The following CDH18 variants were observed in gnomAD, a reference collection of about 807,000 sequenced individuals.
CDH18 encodes cadherin-18.
In CDH18, 31 loss-of-function variants were observed where a neutral mutation model predicts 67.9. That is an observed-to-expected ratio of 0.46 (90% CI 0.34 to 0.62). CDH18 has a LOEUF of 0.62. Ranked by LOEUF, CDH18 falls within the 20% of genes least tolerant of loss-of-function variation. The probability of loss-of-function intolerance (pLI) is 0.01; values close to 1 mark genes in which losing one functional copy is unlikely to be tolerated. For synonymous variants in CDH18, 362 were observed against 347.2 expected (o/e 1.04, Z -0.48); for missense variants, 890 against 975.5 (o/e 0.91, Z 1.17).
At chr5:20,316,360 A>G (rs990268620) in intron 1 of CDH18, among the ~76,000 whole-genome samples, 11 of 152,114 alleles carry the variant, frequency 7.2e-5, no homozygotes, top group Admixed American at 3.9e-4. Context: ...TTATTATCAC[A>G]TAATATTTAA....
chr5:20,259,910 T>C (rs1047477836), intron 1 of CDH18, among the ~76,000 whole-genome samples: 1 of 151,940 alleles, frequency 6.6e-6, no homozygotes, highest in Admixed American at 6.6e-5. Flanking sequence ...TTTAAAATAA[T>C]TGGCCTTTCC....
chr5:20,296,938 T>C (rs1747585003), intron 1 of CDH18, among the ~76,000 whole-genome samples: 1 of 151,854 alleles, frequency 6.6e-6, no homozygotes, highest in Non-Finnish European at 1.5e-5. Flanking sequence ...CAGATTCTGT[T>C]ACATAAATAA....
chr5:20,256,663 A>G (rs2973204), intron 1 of CDH18, among the ~76,000 whole-genome samples: 46,594 of 151,844 alleles, frequency 0.31, 7,865 homozygotes, highest in South Asian at 0.38. Context: ...GTTATCCTAA[A>G]TGCTATAAAG....
At chr5:19,488,529 C>T (rs919674322) in intron 11 of CDH18, among the ~76,000 whole-genome samples, 8 of 152,088 alleles carry the variant, frequency 5.3e-5, no homozygotes, top group Admixed American at 1.3e-4. Context: ...CCAGACAAAT[C>T]AATAGGCATG....
chr5:19,609,484 A>T (rs1029498433), intron 6 of CDH18, among the ~76,000 whole-genome samples: 1 of 151,904 alleles, frequency 6.6e-6, no homozygotes, highest in Non-Finnish European at 1.5e-5. Context: ...TAAGCTACTG[A>T]GTTTGTAACT....
chr5:19,959,700 T>C (rs1412601217), intron 2 of CDH18, among the ~76,000 whole-genome samples: 1 of 152,064 alleles, frequency 6.6e-6, no homozygotes, highest in Non-Finnish European at 1.5e-5. Context: ...AGAAAAATGA[T>C]TTTCAGTCAT....
intron 5 of CDH18, among the ~76,000 whole-genome samples, chr5:19,649,988 C>A (rs375332232): frequency 1.3e-5 from 2 of 151,944 alleles, no homozygotes; most frequent in South Asian, 4.1e-4. Flanking sequence ...GAATGATTGA[C>A]AACTGGTACT....
At chr5:20,462,298 CT>C (rs1326516500) in intron 1 of CDH18, among the ~76,000 whole-genome samples, 1 of 151,876 alleles carries the variant, frequency 6.6e-6, no homozygotes. Context: ...TTGATGGGAG[CT>C]TAAAAAGTTG....
chr5:20,323,247 A>G (rs987451220), intron 1 of CDH18, among the ~76,000 whole-genome samples: 2 of 152,156 alleles, frequency 1.3e-5, no homozygotes, highest in South Asian at 2.1e-4. Context: ...CCTTAAGTAC[A>G]TTATACTAAT....
chr5:19,527,123 A>T (rs555056845), intron 9 of CDH18, among the ~76,000 whole-genome samples: 2 of 152,010 alleles, frequency 1.3e-5, no homozygotes, highest in African/African-American at 4.8e-5. Flanking sequence ...TTTGTTTGTT[A>T]ACAAATATGT....
chr5:20,461,484 GCA>G (rs1481063803), intron 1 of CDH18, among the ~76,000 whole-genome samples: 1 of 152,114 alleles, frequency 6.6e-6, no homozygotes, highest in Non-Finnish European at 1.5e-5. Context: ...CAAATAACAA[GCA>G]CACTTGGAGA....
chr5:20,387,133 C>T (rs1212601733), intron 1 of CDH18, among the ~76,000 whole-genome samples: 1 of 152,076 alleles, frequency 6.6e-6, no homozygotes, highest in Non-Finnish European at 1.5e-5. Context: ...TGTAGGCAGC[C>T]ATAGACATGT....
chr5:19,751,062 T>C (rs776373339), intron 3 of CDH18, among the ~76,000 whole-genome samples: 58 of 152,246 alleles, frequency 3.8e-4, no homozygotes, highest in Non-Finnish European at 8.1e-4. Flanking sequence ...TAGTAATCTC[T>C]AGCATTACTT....
intron 1 of CDH18, among the ~76,000 whole-genome samples, chr5:20,549,439 A>G (rs1411951485): frequency 1.3e-5 from 2 of 152,138 alleles, no homozygotes; most frequent in Non-Finnish European, 2.9e-5. Flanking sequence ...GCTCTAGAAG[A>G]ACTGCAAAGA....
intron 9 of CDH18, among the ~76,000 whole-genome samples, chr5:19,536,761 G>A (rs952742220): frequency 6.6e-6 from 1 of 152,160 alleles, no homozygotes; most frequent in African/African-American, 2.4e-5. Flanking sequence ...TGATTCACTA[G>A]ATCTGGGCCA....
chr5:19,638,289 C>T (rs1753458548), intron 5 of CDH18, among the ~76,000 whole-genome samples: 1 of 152,180 alleles, frequency 6.6e-6, no homozygotes, highest in African/African-American at 2.4e-5. Flanking sequence ...AGACCTCAAT[C>T]CTCACCAGAG....
intron 2 of CDH18, among the ~76,000 whole-genome samples, chr5:19,940,968 C>T (rs1223101035): frequency 6.6e-6 from 1 of 152,046 alleles, no homozygotes; most frequent in African/African-American, 2.4e-5. Context: ...AATAGTATCC[C>T]CATCCTAAAG....
At chr5:19,500,396 A>G (rs575695881) in intron 11 of CDH18, among the ~76,000 whole-genome samples, 4 of 152,156 alleles carry the variant, frequency 2.6e-5, no homozygotes, top group Non-Finnish European at 5.9e-5. Flanking sequence ...AAGGGTACTA[A>G]GCCAGTGATT....
chr5:19,770,563 C>T (rs370578355), intron 3 of CDH18, among the ~76,000 whole-genome samples: 1 of 151,824 alleles, frequency 6.6e-6, no homozygotes, highest in African/African-American at 2.4e-5. Flanking sequence ...TGGCAGTATG[C>T]CAGCTAAGAA....
Sources: allele counts gnomAD v4.1 joint callset (sites outside exome capture counted in the v4.1 genomes callset), GRCh38; gene constraint gnomAD v4.1.1; transcripts MANE v1.5; gene names NCBI Gene and HGNC (gene_info 2026-07-23, HGNC 2026-07-21).